FAM171A1: variants seen among roughly 807,000 people sequenced by gnomAD.
FAM171A1 encodes family with sequence similarity 171 member A1.
In FAM171A1, 23 loss-of-function variants were observed where a neutral mutation model predicts 74.9. That is an observed-to-expected ratio of 0.31 (90% CI 0.22 to 0.44). The LOEUF (loss-of-function observed/expected upper bound fraction) is 0.44, where lower values mean the gene tolerates loss of function less well. Ranked by LOEUF, FAM171A1 falls within the 20% of genes least tolerant of loss-of-function variation. FAM171A1 has a pLI of 1.00. For synonymous variants in FAM171A1, 527 were observed against 505.7 expected (o/e 1.04, Z -0.57); for missense variants, 1,162 against 1,159.2 (o/e 1.00, Z -0.03).
At chr10:15,231,792 T>C (rs1250002073) in intron 5 of FAM171A1, among the ~76,000 whole-genome samples, 1 of 152,182 alleles carries the variant, frequency 6.6e-6, no homozygotes, top group African/African-American at 2.4e-5. Flanking sequence ...CGCACTCAAA[T>C]GCCTACAGAT....
At chr10:15,219,029 T>C (rs997073527) in intron 6 of FAM171A1, among the ~76,000 whole-genome samples, 1 of 152,148 alleles carries the variant, frequency 6.6e-6, no homozygotes, top group Non-Finnish European at 1.5e-5. Flanking sequence ...ATGCCTGTAA[T>C]TTCAGCACTT....
chr10:15,323,095 A>G (rs1187012359), intron 1 of FAM171A1, among the ~76,000 whole-genome samples: 2 of 151,064 alleles, frequency 1.3e-5, no homozygotes, highest in African/African-American at 4.9e-5. Context: ...GGCTGACATC[A>G]CACCGCTGCA....
At chr10:15,360,022 C>T (rs764573710) in intron 1 of FAM171A1, among the ~76,000 whole-genome samples, 1 of 152,186 alleles carries the variant, frequency 6.6e-6, no homozygotes. Context: ...GCAGCTTCAA[C>T]CTCCCAGGCT....
At chr10:15,307,854 G>A (rs1285821448) in intron 1 of FAM171A1, among the ~76,000 whole-genome samples, 1 of 151,374 alleles carries the variant, frequency 6.6e-6, no homozygotes, top group Non-Finnish European at 1.5e-5. Context: ...TGTTGCCCAG[G>A]CTGCAGTGCA....
At chr10:15,324,362 T>C (rs967101723) in intron 1 of FAM171A1, among the ~76,000 whole-genome samples, 1 of 152,168 alleles carries the variant, frequency 6.6e-6, no homozygotes, top group Admixed American at 6.5e-5. Context: ...CATCCTCAAA[T>C]GACACACTCT....
At chr10:15,330,153 C>T (rs1342646011) in intron 1 of FAM171A1, among the ~76,000 whole-genome samples, 2 of 151,990 alleles carry the variant, frequency 1.3e-5, no homozygotes, top group African/African-American at 2.4e-5. Context: ...ATCAGCCTGG[C>T]CTACATAGTG....
intron 5 of FAM171A1, among the ~76,000 whole-genome samples, chr10:15,245,858 C>T (rs556185440): frequency 6.6e-6 from 1 of 152,350 alleles, no homozygotes; most frequent in South Asian, 2.1e-4. Context: ...CAAGGTGGGA[C>T]TCACAGTTTT....
At chr10:15,331,341 GTTAGAGGAGTCAGAAGTT>G (rs1397470635) in intron 1 of FAM171A1, among the ~76,000 whole-genome samples, 1 of 152,146 alleles carries the variant, frequency 6.6e-6, no homozygotes, top group Admixed American at 6.5e-5. Context: ...GGACTCAAAA[GTTAGAGGAGTCAGAAGTT>G]GGAAGACCCC....
chr10:15,261,528 T>C (rs4750614), intron 3 of FAM171A1, among the ~76,000 whole-genome samples: 43,366 of 152,102 alleles, frequency 0.29, 6,776 homozygotes, highest in East Asian at 0.54. Flanking sequence ...AAGGCAGTCA[T>C]GGAAACGGCT....
chr10:15,294,321 C>A (rs1021483882), intron 1 of FAM171A1, among the ~76,000 whole-genome samples: 1 of 152,200 alleles, frequency 6.6e-6, no homozygotes, highest in African/African-American at 2.4e-5. Flanking sequence ...CCACCGTGCA[C>A]CTTCCTTCTC....
chr10:15,254,298 G>A (rs1343049190), intron 4 of FAM171A1, among the ~76,000 whole-genome samples: 3 of 152,164 alleles, frequency 2.0e-5, no homozygotes, highest in Non-Finnish European at 4.4e-5. Context: ...GGGGTGGTAA[G>A]TCTCTACCAG....
Position 15,214,061 on chromosome 10 carries a change from C to T in FAM171A1, c.1527G>A (p.Thr509=), listed in dbSNP as rs1294477603. The T allele has an allele frequency of 2.2e-5, 36 of 1,614,016 alleles. No homozygotes were observed. Among genetic ancestry groups the T allele is most frequent in the Non-Finnish European group, 2.8e-5 (33 of 1,180,034 alleles). Residue 509 remains threonine (T), a synonymous_variant, in exon 8 of 8, where the codon ACG becomes ACA. Coordinates refer to ENST00000378116, the MANE Select transcript of FAM171A1 (RefSeq NM_001010924.2). The stretch of plus-strand genomic sequence containing the variant: ...GTTCCTGAATGGTGAGTTTGCTTCC[C>T]GTGGAGGCTGGACCTTCTCTGTCCT... ...EKQDREGPAS[T]GSKLTIQEHL...
intron 1 of FAM171A1, among the ~76,000 whole-genome samples, chr10:15,311,296 T>C (rs1452061540): frequency 6.6e-6 from 1 of 152,242 alleles, no homozygotes; most frequent in East Asian, 1.9e-4. Context: ...AATGTATTTG[T>C]TGCAGGATTG....
At chr10:15,302,396 C>A (rs1564637452) in intron 1 of FAM171A1, among the ~76,000 whole-genome samples, 1 of 150,914 alleles carries the variant, frequency 6.6e-6, no homozygotes, top group African/African-American at 2.4e-5. Context: ...ACACAGGAGG[C>A]GGAGGTCGCA....
rs1460045229 is a variant in FAM171A1, at chr10:15,214,268, G to C, written c.1320C>G (p.Ser440Arg). ...GAGTGAGGTTATCAAAGGAGATCTG[G>C]CTTTTATCCTCTTCCTTGCAAGAGA... The part of the protein sequence containing the change: ...ELLSCKEEDK[S>R]QISFDNLTPS... The change falls in exon 8 of 8, where the codon AGC becomes AGG. Residue 440 changes from serine (S) to arginine (R), a missense_variant. Coordinates refer to ENST00000378116, the MANE Select transcript of FAM171A1 (RefSeq NM_001010924.2). The C allele has an allele frequency of 3.1e-6, 5 of 1,614,042 alleles. No homozygotes were observed. The South Asian group carries it at 5.5e-5, about 18-fold the overall frequency.
Position 15,291,406 on chromosome 10 carries a change from C to T in FAM171A1, c.98-7301G>A, listed in dbSNP as rs756073612. Among the ~76,000 whole-genome samples, 22 of 152,168 alleles carry T rather than the reference C, an allele frequency of 1.4e-4. 1 individual carries two copies. The highest frequency in any genetic ancestry group is 8.8e-5 in the Non-Finnish European group (6 of 68,038). On this transcript the variant is annotated intron_variant, in intron 1 of 7. Transcript: ENST00000378116. ...ATTAAAATTAAATTAATTTAAAAAT[C>T]GAGCTCCTTGGTAACACTAGGCTCA...
chr10:15,330,935 G>A (rs780503505), intron 1 of FAM171A1, among the ~76,000 whole-genome samples: 11 of 151,686 alleles, frequency 7.3e-5, no homozygotes, highest in Non-Finnish European at 8.8e-5. Flanking sequence ...CATTGCCCAG[G>A]CTGGAGTGTA....
At chr10:15,226,112 TGTG>T (rs1216064659) in intron 5 of FAM171A1, among the ~76,000 whole-genome samples, 1 of 152,192 alleles carries the variant, frequency 6.6e-6, no homozygotes, top group East Asian at 1.9e-4. Context: ...GGCAAGGTCA[TGTG>T]GTGAAGGCAA....
At chr10:15,232,384 G>A (rs566868325) in intron 5 of FAM171A1, among the ~76,000 whole-genome samples, 6 of 152,128 alleles carry the variant, frequency 3.9e-5, no homozygotes, top group African/African-American at 9.6e-5. Flanking sequence ...GCTCATTCTC[G>A]GTCTCCTTCT....
Sources: allele counts gnomAD v4.1 joint callset (sites outside exome capture counted in the v4.1 genomes callset), GRCh38; gene constraint gnomAD v4.1.1; transcripts MANE v1.5; gene names NCBI Gene and HGNC (gene_info 2026-07-23, HGNC 2026-07-21).